The following NYAP2 variants were observed in gnomAD, a reference collection of about 807,000 sequenced individuals.
The protein encoded by NYAP2 is neuronal tyrosine-phosphorylated phosphoinositide-3-kinase adapter 2.
Under a neutral mutation model 50.4 loss-of-function variants are expected in NYAP2, and 23 were observed. The observed-to-expected ratio is 0.46, with a 90% CI of 0.33 to 0.65. The LOEUF is 0.65. Among genes scored for constraint, NYAP2 ranks in the 30% least tolerant of loss-of-function variants. The pLI is 0.02. For missense variants in NYAP2, 885 were observed against 861.0 expected (o/e 1.03, Z -0.35); for synonymous variants, 394 against 365.2 (o/e 1.08, Z -0.90).
chr2:225,622,518 C>CTTCTTTCTTTCTTTCT (rs1553557351), intron 5 of NYAP2, among the ~76,000 whole-genome samples: 978 of 70,218 alleles, frequency 0.014, 24 homozygotes, highest in African/African-American at 0.036. Context: ...TTCTTTCTTT[C>CTTCTTTCTTTCTTTCT]TTCTTTCTTT....
chr2:225,438,887 C>G (rs1025191182), intron 3 of NYAP2, among the ~76,000 whole-genome samples: 1 of 152,048 alleles, frequency 6.6e-6, no homozygotes, highest in Non-Finnish European at 1.5e-5. Context: ...TTTTCAAGGT[C>G]AAAGGAAGAA....
chr2:225,462,948 C>A (rs1689857555), intron 3 of NYAP2, among the ~76,000 whole-genome samples: 1 of 152,216 alleles, frequency 6.6e-6, no homozygotes, highest in Admixed American at 6.5e-5. Flanking sequence ...TACTAATGAT[C>A]TGTAGCAGAA....
chr2:225,534,738 A>G (rs1045655067), intron 4 of NYAP2, among the ~76,000 whole-genome samples: 6 of 152,206 alleles, frequency 3.9e-5, no homozygotes, highest in South Asian at 2.1e-4. Context: ...AAGAATCAGT[A>G]ATGACAAGAG....
downstream of NYAP2, among the ~76,000 whole-genome samples, chr2:225,654,418 C>T (rs1032638743): frequency 1.5e-4 from 23 of 152,244 alleles, no homozygotes; most frequent in East Asian, 1.9e-4. Context: ...TGCGGTGGCT[C>T]ACACCTGTAA....
At chr2:225,641,059 A>G (rs911008985) in intron 6 of NYAP2, among the ~76,000 whole-genome samples, 17 of 152,028 alleles carry the variant, frequency 1.1e-4, no homozygotes, top group African/African-American at 4.1e-4. Flanking sequence ...GAGAACCACA[A>G]TGACAGTGTG....
chr2:225,428,125 G>C (rs1415779357), intron 3 of NYAP2, among the ~76,000 whole-genome samples: 1 of 152,172 alleles, frequency 6.6e-6, no homozygotes, highest in Non-Finnish European at 1.5e-5. Context: ...CTGTACGAGA[G>C]AGTAGGTCCC....
At chr2:225,410,488 GTT>G (rs912694200) in intron 3 of NYAP2, among the ~76,000 whole-genome samples, 5 of 151,452 alleles carry the variant, frequency 3.3e-5, no homozygotes, top group African/African-American at 1.2e-4. Context: ...TTTAACTTTA[GTT>G]TTATGAATCT....
At chr2:225,447,275 T>G (rs2106145222) in intron 3 of NYAP2, among the ~76,000 whole-genome samples, 1 of 152,350 alleles carries the variant, frequency 6.6e-6, no homozygotes, top group African/African-American at 2.4e-5. Context: ...TCTTTGATTC[T>G]TATAACCAAT....
the NYAP2 span, among the ~76,000 whole-genome samples, chr2:225,664,731 CCGGGCGTGGTGG>C: frequency 6.6e-6 from 1 of 151,724 alleles, no homozygotes; most frequent in Non-Finnish European, 1.5e-5. Flanking sequence ...AAAAAATTAG[CCGGGCGTGGTGG>C]CGGGCGCCTG....
the NYAP2 span, among the ~76,000 whole-genome samples, chr2:225,668,437 G>C: frequency 2.6e-5 from 4 of 152,156 alleles, no homozygotes; most frequent in African/African-American, 9.7e-5. Context: ...GGCCATGGGG[G>C]CTGCCTCAGA....
chr2:225,409,403 G>A (rs1694995091), intron 3 of NYAP2, among the ~76,000 whole-genome samples: 1 of 152,046 alleles, frequency 6.6e-6, no homozygotes, highest in Non-Finnish European at 1.5e-5. Flanking sequence ...AAAGACGCAA[G>A]GGAACACACA....
At chr2:225,587,191 G>A (rs1415257939) in intron 5 of NYAP2, among the ~76,000 whole-genome samples, 1 of 152,134 alleles carries the variant, frequency 6.6e-6, no homozygotes, top group Middle Eastern at 3.2e-3. Flanking sequence ...ATGAGATTTG[G>A]TGGGGGACAC....
At chr2:225,515,503 T>C (rs1008160360) in intron 4 of NYAP2, among the ~76,000 whole-genome samples, 4 of 152,060 alleles carry the variant, frequency 2.6e-5, no homozygotes, top group Non-Finnish European at 5.9e-5. Flanking sequence ...ATAACTGTTA[T>C]TCCTCTGCCC....
chr2:225,525,683 A>G (rs188826454), intron 4 of NYAP2, among the ~76,000 whole-genome samples: 2 of 152,156 alleles, frequency 1.3e-5, no homozygotes, highest in African/African-American at 2.4e-5. Context: ...AATGTGCACT[A>G]TTTGAATGAT....
chr2:225,444,040 T>C (rs949993404), intron 3 of NYAP2, among the ~76,000 whole-genome samples: 2 of 152,230 alleles, frequency 1.3e-5, no homozygotes, highest in Non-Finnish European at 2.9e-5. Flanking sequence ...CATTTCCATA[T>C]GGTGTGAGTT....
intron 3 of NYAP2, among the ~76,000 whole-genome samples, chr2:225,442,707 C>G (rs1455528311): frequency 6.6e-6 from 1 of 152,100 alleles, no homozygotes; most frequent in Non-Finnish European, 1.5e-5. Flanking sequence ...TCCCGAGTAG[C>G]TGGGACTACA....
chr2:225,659,196 T>C, the NYAP2 span, among the ~76,000 whole-genome samples: 5 of 152,290 alleles, frequency 3.3e-5, no homozygotes, highest in South Asian at 1.0e-3. Flanking sequence ...CTGGTACCTG[T>C]GTGTGTCCCT....
chr2:225,482,885 G>A (rs563694919), intron 3 of NYAP2, among the ~76,000 whole-genome samples: 40 of 152,240 alleles, frequency 2.6e-4, no homozygotes, highest in Admixed American at 9.8e-4. Flanking sequence ...AATGGTATAC[G>A]GAGAGAAGAC....
intron 3 of NYAP2, among the ~76,000 whole-genome samples, chr2:225,447,400 G>T (rs1200300961): frequency 1.3e-5 from 2 of 152,084 alleles, no homozygotes; most frequent in Non-Finnish European, 2.9e-5. Flanking sequence ...TTAATCCCAA[G>T]ACATCTTGAC....
Sources: allele counts gnomAD v4.1 joint callset (sites outside exome capture counted in the v4.1 genomes callset), GRCh38; gene constraint gnomAD v4.1.1; transcripts MANE v1.5; gene names NCBI Gene and HGNC (gene_info 2026-07-23, HGNC 2026-07-21).